The following TRARG1 variants were observed in gnomAD, a reference collection of about 807,000 sequenced individuals.
TRARG1 encodes trafficking regulator of GLUT4 (SLC2A4) 1 (gene/pseudogene).
Under a neutral mutation model 13.3 loss-of-function variants are expected in TRARG1, and 16 were observed. The observed-to-expected ratio is 1.20, with a 90% CI of 0.81 to 1.83. The LOEUF is 1.83. Among genes scored for constraint, TRARG1 ranks in the 40% most tolerant of loss-of-function variants. The pLI is 0.00. For missense variants in TRARG1, 250 were observed against 237.4 expected (o/e 1.05, Z -0.35); for synonymous variants, 113 against 106.2 (o/e 1.06, Z -0.39).
At chr17:1,288,213 G>A (rs1040994939) in intron 1 of TRARG1, among the ~76,000 whole-genome samples, 1 of 151,698 alleles carries the variant, frequency 6.6e-6, no homozygotes, top group Non-Finnish European at 1.5e-5. Context: ...GCCTCCACGT[G>A]CTGTCTGAGC....
intron 1 of TRARG1, among the ~76,000 whole-genome samples, chr17:1,293,181 G>T (rs2072084655): frequency 6.6e-6 from 1 of 151,628 alleles, no homozygotes; most frequent in Non-Finnish European, 1.5e-5. Context: ...CTACTTGGGA[G>T]GCTGGGGTAG....
At chr17:1,286,789 G>C (rs1378591041) in intron 1 of TRARG1, among the ~76,000 whole-genome samples, 6 of 145,598 alleles carry the variant, frequency 4.1e-5, no homozygotes, top group Non-Finnish European at 7.5e-5. Context: ...GGCCTGTCAG[G>C]TGTTATCAGC....
chr17:1,293,575 T>C (rs1416498954), intron 1 of TRARG1, among the ~76,000 whole-genome samples: 1 of 71,870 alleles, frequency 1.4e-5, no homozygotes, highest in African/African-American at 6.4e-5. Context: ...TGGGTTGGGT[T>C]TGATGATGTC....
chr17:1,293,727 TG>T (rs942476270), intron 1 of TRARG1, among the ~76,000 whole-genome samples: 2 of 152,036 alleles, frequency 1.3e-5, no homozygotes, highest in African/African-American at 2.4e-5. Context: ...AGGTTGAATT[TG>T]ATGATGTCAC....
intron 1 of TRARG1, among the ~76,000 whole-genome samples, chr17:1,282,781 C>T (rs1168252367): frequency 1.3e-5 from 2 of 152,054 alleles, no homozygotes; most frequent in East Asian, 3.9e-4. Context: ...ACTCCGTCTC[C>T]CAGGTTCATG....
At chr17:1,296,649 T>C (rs2072112732) in intron 2 of TRARG1, among the ~76,000 whole-genome samples, 1 of 152,032 alleles carries the variant, frequency 6.6e-6, no homozygotes, top group Non-Finnish European at 1.5e-5. Context: ...GTAGCTGGGC[T>C]TACAGGTGCC....
rs2072139262 is a variant in TRARG1 at position 1,299,516 on chromosome 17, T to C, written c.*1252T>C. 1 of 152,166 alleles carries C rather than the reference T, an allele frequency of 6.6e-6. No individual in the cohort carries two copies. The highest frequency in any genetic ancestry group is 6.5e-5 in the Admixed American group (1 of 15,278). The allele number at this position is 152,166 out of a possible 1,614,324, so 9.4% of individuals were successfully genotyped here. A position where few individuals can be genotyped will look rare whatever the true frequency, so the allele number is the denominator to read the frequency against. On this transcript the variant is annotated 3_prime_UTR_variant, in exon 3 of 3. Transcript: ENST00000333813. Reference sequence around the variant, plus strand: ...GGCCTGGACGCCACGGCCTCTCATCTTAGGACCTAATGGGACCCCCGAAAG... The same window carrying C: ...GGCCTGGACGCCACGGCCTCTCATCCTAGGACCTAATGGGACCCCCGAAAG...
At chr17:1,290,821 G>A (rs1251659474) in intron 1 of TRARG1, among the ~76,000 whole-genome samples, 7 of 151,994 alleles carry the variant, frequency 4.6e-5, no homozygotes, top group African/African-American at 1.4e-4. Context: ...GGAGGGACCC[G>A]GTGGAGGTCA....
At chr17:1,286,345 G>A (rs1023168422) in intron 1 of TRARG1, among the ~76,000 whole-genome samples, 13 of 151,946 alleles carry the variant, frequency 8.6e-5, no homozygotes, top group Middle Eastern at 3.4e-3. Flanking sequence ...GGTGTTGTTG[G>A]CCTGTGGGGT....
intron 1 of TRARG1, among the ~76,000 whole-genome samples, chr17:1,288,176 G>A (rs919667051): frequency 7.9e-5 from 12 of 151,732 alleles, no homozygotes; most frequent in Admixed American, 5.2e-4. Context: ...TCACCTATTC[G>A]CTTCCACTGC....
At chr17:1,287,072 G>T (rs76720565) in intron 1 of TRARG1, among the ~76,000 whole-genome samples, 8,219 of 151,960 alleles carry the variant, frequency 0.054, 662 homozygotes, top group African/African-American at 0.18. Context: ...GGAAGATGGT[G>T]ATAGACTTGG....
At chr17:1,292,458 G>C (rs1042806026) in intron 1 of TRARG1, among the ~76,000 whole-genome samples, 2 of 152,102 alleles carry the variant, frequency 1.3e-5, no homozygotes, top group African/African-American at 4.8e-5. Context: ...CCTCCTTCTG[G>C]TGCTGCTCGA....
At chr17:1,282,140 A>G (rs1441001548) in intron 1 of TRARG1, among the ~76,000 whole-genome samples, 2 of 136,028 alleles carry the variant, frequency 1.5e-5, no homozygotes, top group East Asian at 2.3e-4. Context: ...ATACACGCAT[A>G]TATGTACGTA....
At chr17:1,287,085 G>T (rs1352625752) in intron 1 of TRARG1, among the ~76,000 whole-genome samples, 15 of 151,928 alleles carry the variant, frequency 9.9e-5, no homozygotes, top group Non-Finnish European at 2.2e-4. Flanking sequence ...AGACTTGGAA[G>T]AGAAAAGGGG....
rs564376377 is a variant in TRARG1, at chr17:1,295,017, G to A, written c.388-474G>A. On this transcript the variant is annotated intron_variant, in intron 1 of 2. Transcript: ENST00000333813. ...CTCTTTTTATGGAGGCAGGGGTGGG[G>A]GGTGCTTACAGAGGAGAGGAGGCCA... Among the ~76,000 whole-genome samples the A allele has an allele frequency of 9.2e-5, 14 of 152,240 alleles. No homozygotes were observed. In the South Asian group the frequency reaches 2.7e-3, roughly 29 times the overall value.
At chr17:1,281,271 G>C (rs2071970701) in intron 1 of TRARG1, among the ~76,000 whole-genome samples, 1 of 152,158 alleles carries the variant, frequency 6.6e-6, no homozygotes, top group South Asian at 2.1e-4. Flanking sequence ...GAAAGGGTGG[G>C]GAGAGGGAGA....
chr17:1,295,459 G>T, intron 1 of TRARG1, 32 bp from the exon 2 acceptor site: 9 of 1,561,606 alleles, frequency 5.8e-6, no homozygotes, highest in East Asian at 2.3e-5. Flanking sequence ...AGCCTTCCCG[G>T]TTCCCGGGGT....
intron 2 of TRARG1, among the ~76,000 whole-genome samples, chr17:1,296,233 G>A (rs1567933391): frequency 6.6e-6 from 1 of 152,180 alleles, no homozygotes; most frequent in Non-Finnish European, 1.5e-5. Context: ...TTTCACTCTT[G>A]TTGCCCAGGC....
rs751714308 is a variant in TRARG1, at chr17:1,298,345, G to C, written c.*81G>C. The C allele has an allele frequency of 1.6e-5, 24 of 1,513,512 alleles. No homozygotes were observed. Among genetic ancestry groups the C allele is most frequent in the Non-Finnish European group, 2.1e-5 (23 of 1,106,956 alleles). 93.8% of individuals were successfully genotyped at this position (1,513,512 alleles called of 1,614,324 possible). A position where few individuals can be genotyped will look rare whatever the true frequency, so the allele number is the denominator to read the frequency against. On this transcript the variant is annotated 3_prime_UTR_variant, in exon 3 of 3. Coordinates refer to ENST00000333813, the MANE Select transcript of TRARG1 (RefSeq NM_172367.3). Reference sequence around the variant, plus strand: ...GACCTGCACACCGCGGGAGGCCAGGGTGCTGACTGTCAAGCATCCCCTGTC... The same window carrying C: ...GACCTGCACACCGCGGGAGGCCAGGCTGCTGACTGTCAAGCATCCCCTGTC...
Sources: allele counts gnomAD v4.1 joint callset (sites outside exome capture counted in the v4.1 genomes callset), GRCh38; gene constraint gnomAD v4.1.1; transcripts MANE v1.5; gene names NCBI Gene and HGNC (gene_info 2026-07-23, HGNC 2026-07-21).